DNM1L: variants seen among roughly 807,000 people sequenced by gnomAD.
DNM1L encodes dynamin-1-like protein.
DNM1L carries 33 observed loss-of-function variants against 92.8 expected under a neutral mutation model. The ratio of observed to expected loss-of-function variants is 0.36; its 90% CI spans 0.27 to 0.48. DNM1L has a LOEUF of 0.48. DNM1L is among the 20% of genes least tolerant of loss of function. The pLI is 0.99. For missense variants in DNM1L, 485 were observed against 888.8 expected, an observed-to-expected ratio of 0.55 and a Z score of 5.78; for synonymous variants, 284 against 305.0, an observed-to-expected ratio of 0.93 and a Z score of 0.72.
At chr12:32,727,168 C>T in intron 9 of DNM1L, 2 of 854,878 alleles carry the variant, frequency 2.3e-6, no homozygotes, top group South Asian at 2.7e-5. Context: ...CATTCACATT[C>T]TTCCTCTGTA....
At chr12:32,727,078 T>G in intron 9 of DNM1L, 1 of 725,736 alleles carries the variant, frequency 1.4e-6, no homozygotes, top group African/African-American at 1.7e-5. Flanking sequence ...GGGTCTTCTT[T>G]TTCTTCATCG....
chr12:32,730,927 G>T (rs1954514063), intron 9 of DNM1L, 87 bp from the exon 10 acceptor site: 2 of 1,576,790 alleles, frequency 1.3e-6, no homozygotes, highest in Non-Finnish European at 8.7e-7. Flanking sequence ...AAAATAAGAT[G>T]AGCTTAAAGC....
chr12:32,707,601 C>T (rs1232151971), intron 3 of DNM1L, among the ~76,000 whole-genome samples, 188 bp downstream of exon 3: 3 of 151,932 alleles, frequency 2.0e-5, no homozygotes, highest in Non-Finnish European at 4.4e-5. Context: ...AAATTGAGGC[C>T]GATTTTCTCT....
rs752717941 is a variant in DNM1L at position 32,740,513 on chromosome 12, A to G, written c.1989A>G (p.Gln663=). Residue 663 remains glutamine, a synonymous_variant, in exon 18 of 20, where the codon CAA becomes CAG. Transcript: ENST00000549701. ...SYFLIVRKNI[Q]DSVPKAVMHF... ...TTCTCATTGTCAGAAAGAATATTCA[A>G]GACAGGTTAGTATTACTTAATATAA... is the stretch of plus-strand genomic sequence containing the variant. 2.5e-6 allele frequency: 4 copies of G among 1,609,610 alleles called. No individual in the cohort carries two copies. The highest frequency in any genetic ancestry group is 3.3e-5 in the Admixed American group (2 of 59,890).
In DNM1L at chr12:32,714,279, T is replaced by A. The variant is rs972214708; in HGVS notation, c.619+908T>A. ...CAGGGTCACTTTAACAATTTTTTTT[T>A]TTTTTTTTTTTGAGATGGAGTCTTG... On this transcript the variant is annotated intron_variant, in intron 6 of 19. Transcript: ENST00000549701. 9.3e-4 allele frequency among the ~76,000 whole-genome samples: 140 copies of A among 150,554 alleles called. 1 individual carries two copies. Among genetic ancestry groups the A allele is most frequent in the Non-Finnish European group, 1.5e-3 (102 of 67,488 alleles).
At chr12:32,708,301 AG>A (rs1953001795) in intron 4 of DNM1L, 77 bp downstream of exon 4, 1 of 949,806 alleles carries the variant, frequency 1.1e-6, no homozygotes, top group Admixed American at 2.0e-5. Context: ...TAATATGTGA[AG>A]GGCATTGTAA....
chr12:32,721,805 G>A (rs1328127996), intron 8 of DNM1L, among the ~76,000 whole-genome samples: 5 of 152,150 alleles, frequency 3.3e-5, no homozygotes, highest in African/African-American at 1.2e-4. Context: ...CAGGCTATAA[G>A]TCAGGGTACC....
At chr12:32,701,588 T>C (rs1952703791) in intron 2 of DNM1L, 26 bp downstream of exon 2, 1 of 1,581,234 alleles carries the variant, frequency 6.3e-7, no homozygotes. Context: ...GAGATAATTA[T>C]TTTACAGCTC....
In DNM1L at chr12:32,744,648, G is replaced by C; in HGVS notation, c.*1238G>C. 3.2e-6 allele frequency: 1 copy of C among 307,934 alleles called. No homozygotes were observed. Among genetic ancestry groups the C allele is most frequent in the Non-Finnish European group, 6.2e-6 (1 of 160,694 alleles). 19.1% of individuals were successfully genotyped at this position (307,934 alleles called of 1,614,324 possible). On this transcript the variant is annotated 3_prime_UTR_variant, in exon 20 of 20. Transcript: ENST00000549701. ...GAATTGCTTGACCCTGGGAGGTGGA[G>C]GTTGTGGTGAGCTAAGATCGTGCCA...
At chr12:32,720,607 A>G in intron 7 of DNM1L, 57 bp from the exon 8 acceptor site, 1 of 1,610,142 alleles carries the variant, frequency 6.2e-7, no homozygotes, top group East Asian at 2.2e-5. Context: ...GTCATCATCT[A>G]AGGTAGGAAG....
intron 2 of DNM1L, 90 bp from the exon 3 acceptor site, chr12:32,707,277 A>T: frequency 1.0e-6 from 1 of 980,580 alleles, no homozygotes; most frequent in East Asian, 2.5e-5. Flanking sequence ...ATACAAGTTA[A>T]GAAGTGTTTT....
intron 1 of DNM1L, among the ~76,000 whole-genome samples, chr12:32,680,560 T>C (rs571062953): frequency 7.9e-5 from 12 of 152,302 alleles, no homozygotes; most frequent in African/African-American, 2.9e-4. Context: ...GTTGAAGCAA[T>C]AGAAATTGTT....
At chr12:32,716,742 GTATATA>G (rs71447619) in intron 6 of DNM1L, among the ~76,000 whole-genome samples, 27 of 139,172 alleles carry the variant, frequency 1.9e-4, no homozygotes, top group East Asian at 1.0e-3. Flanking sequence ...ACTATATATA[GTATATA>G]TATATATATA....
chr12:32,708,305 C>A, intron 4 of DNM1L, 81 bp downstream of exon 4: 1 of 905,082 alleles, frequency 1.1e-6, no homozygotes, highest in East Asian at 2.5e-5. Flanking sequence ...ATGTGAAGGG[C>A]ATTGTAAATT....
chr12:32,717,981 ATATAG>A lies in DNM1L; in HGVS notation c.620-658_620-654del, dbSNP rs1286426328. Among the ~76,000 whole-genome samples the A allele has an allele frequency of 5.6e-5, 6 of 107,768 alleles. No individual in the cohort carries two copies. The East Asian group carries it at 9.0e-4, about 16-fold the overall frequency. The allele number at this position is 107,768 out of a possible 152,430, so 70.7% of individuals were successfully genotyped here. A position where few individuals can be genotyped will look rare whatever the true frequency, so the allele number is the denominator to read the frequency against. On this transcript the variant is annotated intron_variant, in intron 6 of 19. Coordinates refer to ENST00000549701, the MANE Select transcript of DNM1L (RefSeq NM_012062.5). ...ATAGTATATATATTATATATAGTAT[ATATAG>A]TATGTATAGTATATATAATATATAT...
rs80047071 is a variant in DNM1L, at chr12:32,711,462, A to T, written c.456+447A>T. Among the ~76,000 whole-genome samples the T allele has an allele frequency of 3.3e-5, 5 of 152,044 alleles. No homozygotes were observed. The East Asian group carries it at 9.6e-4, about 29-fold the overall frequency. On this transcript the variant is annotated intron_variant, in intron 5 of 19. Transcript: ENST00000549701. ...ACTTAAATGTCTAATAGACATTTCA[A>T]ACTCTAATACCGAATTCCTGACCTG... is the stretch of plus-strand genomic sequence containing the variant.
chr12:32,693,326 A>G lies in DNM1L; in HGVS notation c.103-8089A>G, dbSNP rs542485331. On this transcript the variant is annotated intron_variant, in intron 1 of 19. Transcript: ENST00000549701. ...TGATATCTCTGCACATTATTTTGTT[A>G]GGTATTTTTAAGAATTTGATTTGTG... is the stretch of plus-strand genomic sequence containing the variant. Among the ~76,000 whole-genome samples the G allele has an allele frequency of 1.6e-3, 238 of 152,178 alleles. 2 individuals are homozygous for G. Among genetic ancestry groups the G allele is most frequent in the African/African-American group, 5.3e-3 (220 of 41,532 alleles).
intron 1 of DNM1L, among the ~76,000 whole-genome samples, chr12:32,686,344 G>A (rs559706062): frequency 2.0e-5 from 3 of 152,088 alleles, no homozygotes; most frequent in Non-Finnish European, 4.4e-5. Flanking sequence ...ACTGTGCCCA[G>A]CCAAAATTAG....
intron 7 of DNM1L, among the ~76,000 whole-genome samples, chr12:32,719,516 G>T (rs1953709449): frequency 6.6e-6 from 1 of 152,094 alleles, no homozygotes; most frequent in East Asian, 1.9e-4. Flanking sequence ...TGTATTAAAG[G>T]TATCCTAATT....
Sources: gnomAD v4.1 joint callset for allele counts (sites outside exome capture counted in the v4.1 genomes callset) on GRCh38, gnomAD v4.1.1 for gene constraint, MANE v1.5 for transcripts, NCBI Gene and HGNC (gene_info 2026-07-23, HGNC 2026-07-21) for gene names.